RPF1: variants seen among roughly 807,000 people sequenced by gnomAD.
RPF1 encodes ribosome production factor 1.
Under a neutral mutation model 41.9 loss-of-function variants are expected in RPF1, and 34 were observed. That is an observed-to-expected ratio of 0.81 (90% CI 0.62 to 1.08). RPF1 has a LOEUF of 1.08. Ranked by LOEUF, RPF1 falls within the 50% of genes least tolerant of loss-of-function variation. The probability of loss-of-function intolerance (pLI) is 0.00; values close to 1 mark genes in which losing one functional copy is unlikely to be tolerated. For synonymous variants in RPF1, 140 were observed against 148.9 expected, an observed-to-expected ratio of 0.94 and a Z score of 0.43; for missense variants, 425 against 435.2, an observed-to-expected ratio of 0.98 and a Z score of 0.21.
chr1:84,497,539 CAG>C lies in RPF1; in HGVS notation c.*71_*72del, dbSNP rs2101889112. ...TTGAACTTTGGTAAATTATTTTTGA[CAG>C]AATACTCTTTTCAAAATGGCATTTG... On this transcript the variant is annotated 3_prime_UTR_variant, in exon 9 of 9. Coordinates refer to ENST00000370654, the MANE Select transcript of RPF1 (RefSeq NM_025065.7). The C allele has an allele frequency of 8.6e-7, 1 of 1,166,826 alleles. No homozygotes were observed. Among genetic ancestry groups the C allele is most frequent in the Non-Finnish European group, 1.2e-6 (1 of 811,238 alleles). The allele number at this position is 1,166,826 out of a possible 1,614,324, so 72.3% of individuals were successfully genotyped here.
In RPF1 at chr1:84,497,422, C is replaced by T. The variant is rs954352923; in HGVS notation, c.1009-7C>T. The T allele has an allele frequency of 3.7e-6, 6 of 1,609,492 alleles. No homozygotes were observed. The African/African-American group carries it at 6.7e-5, about 18-fold the overall frequency. On this transcript the variant is annotated splice_polypyrimidine_tract_variant and splice_region_variant and intron_variant, in intron 8 of 8. Transcript: ENST00000370654. ...TCTTCCTCCACTCCCTTGCTTTCCA[C>T]TTTCAGCCCCGGGAAATGGATACAA...
Position 84,494,817 on chromosome 1 carries a change from G to A in RPF1, c.617-556G>A, listed in dbSNP as rs530962529. ...ATTGGTTTGTTGATTATAATTTGGG[G>A]TACAGTAATCCTAAGTAAGGGGTGA... On this transcript the variant is annotated intron_variant, in intron 5 of 8. Transcript: ENST00000370654. Among the ~76,000 whole-genome samples, 27 of 152,236 alleles carry A rather than the reference G, an allele frequency of 1.8e-4. 1 individual carries two copies. The East Asian group carries it at 2.3e-3, about 13-fold the overall frequency.
intron 2 of RPF1, among the ~76,000 whole-genome samples, chr1:84,481,527 T>G (rs893613358): frequency 7.9e-5 from 12 of 152,052 alleles, no homozygotes; most frequent in Admixed American, 7.2e-4. Context: ...TGTGTTAAGC[T>G]TTAGAGCTGG....
chr1:84,495,414 C>T lies in RPF1; in HGVS notation c.658C>T (p.His220Tyr), dbSNP rs753535525. The T allele has an allele frequency of 1.2e-5, 18 of 1,540,070 alleles. No homozygotes were observed. The Admixed American group carries it at 1.7e-4, about 15-fold the overall frequency. The change falls in exon 6 of 9, where the codon CAT becomes TAT. Residue 220 changes from histidine to tyrosine, a missense_variant. Physicochemically the swap from His to Tyr is moderately conservative, Grantham distance 83 (BLOSUM62 2). Transcript: ENST00000370654. ...LSHLPNGPTA[H>Y]FKMSSVRLRK... ...TCACTTGCCAAATGGCCCAACTGCT[C>T]ATTTTAAAATGAGCAGTGTTCGTCT... is the stretch of plus-strand genomic sequence containing the variant.
chr1:84,488,773 G>A (rs981793755), intron 3 of RPF1, among the ~76,000 whole-genome samples: 2 of 152,024 alleles, frequency 1.3e-5, no homozygotes, highest in African/African-American at 2.4e-5. Flanking sequence ...AATGTAGAAT[G>A]TTATTAGATG....
At chr1:84,496,804 T>C (rs1351348043) in intron 8 of RPF1, among the ~76,000 whole-genome samples, 1 of 152,212 alleles carries the variant, frequency 6.6e-6, no homozygotes, top group Non-Finnish European at 1.5e-5. Context: ...TCTTGAGAAC[T>C]ATTGATAAGT....
chr1:84,493,845 T>C (rs1187122647), intron 5 of RPF1, among the ~76,000 whole-genome samples: 1 of 152,040 alleles, frequency 6.6e-6, no homozygotes, highest in Non-Finnish European at 1.5e-5. Context: ...TACATAAGAC[T>C]GTGAGTACCT....
At chr1:84,488,475 G>C (rs1681773278) in intron 3 of RPF1, among the ~76,000 whole-genome samples, 1 of 151,982 alleles carries the variant, frequency 6.6e-6, no homozygotes. Context: ...CTAATTTGTT[G>C]GGATATCGTT....
intron 1 of RPF1, among the ~76,000 whole-genome samples, chr1:84,480,397 C>T (rs1681622125): frequency 6.6e-6 from 1 of 152,174 alleles, no homozygotes; most frequent in African/African-American, 2.4e-5. Flanking sequence ...ATCTAGAAAT[C>T]TCCAGAAGAA....
chr1:84,495,366 T>C lies in RPF1; in HGVS notation c.617-7T>C. 7.5e-7 allele frequency: 1 copy of C among 1,329,706 alleles called. No homozygotes were observed. The highest frequency in any genetic ancestry group is 1.1e-6 in the Non-Finnish European group (1 of 936,982). The allele number at this position is 1,329,706 out of a possible 1,614,324, so 82.4% of individuals were successfully genotyped here. On this transcript the variant is annotated splice_polypyrimidine_tract_variant and splice_region_variant and intron_variant, in intron 5 of 8. Transcript: ENST00000370654. Reference sequence around the variant, plus strand: ...TTCAATGTGTTTTTCTTAACTTTTATGAACAGATGGACTTATTTTGAGTCA... The same window carrying C: ...TTCAATGTGTTTTTCTTAACTTTTACGAACAGATGGACTTATTTTGAGTCA...
rs756058303 is a variant in RPF1, at chr1:84,479,360, G to A, written c.79G>A (p.Glu27Lys). 6.2e-7 allele frequency: 1 copy of A among 1,613,962 alleles called. No individual in the cohort carries two copies. The highest frequency in any genetic ancestry group is 1.1e-5 in the South Asian group (1 of 91,078). The change falls in exon 1 of 9, where the codon GAG becomes AAG. Residue 27 changes from glutamate to lysine, a missense_variant. Coordinates refer to ENST00000370654, the MANE Select transcript of RPF1 (RefSeq NM_025065.7). ...GAAAGCCGCTGCCGAAGAACTTCAG[G>A]AGGCTGCAGGCGCTGGGGATGGGGC... Reference protein sequence around the residue: ...KRKAAAEELQEAAGAGDGATE... With the variant: ...KRKAAAEELQKAAGAGDGATE...
At chr1:84,483,030 C>G in intron 3 of RPF1, 35 bp downstream of exon 3, 3 of 1,247,550 alleles carry the variant, frequency 2.4e-6, no homozygotes, top group Non-Finnish European at 3.5e-6. Context: ...TTTGAATGAT[C>G]ACATATAATT....
At chr1:84,494,703 AG>A (rs2101887550) in intron 5 of RPF1, among the ~76,000 whole-genome samples, 1 of 152,320 alleles carries the variant, frequency 6.6e-6, no homozygotes, top group South Asian at 2.1e-4. Flanking sequence ...TGCTGGTTGT[AG>A]GTAGGTGATC....
At chr1:84,479,644 G>T in intron 1 of RPF1, 135 bp downstream of exon 1, 1 of 802,530 alleles carries the variant, frequency 1.2e-6, no homozygotes. Context: ...GTGGCGTCGC[G>T]GCCCACGTGT....
In RPF1 at chr1:84,484,704, G is replaced by A. The variant is rs528118041; in HGVS notation, c.366+1709G>A. ...AAGTCTTTTTTTTTTTTTTTTCTCC[G>A]AGGTGGAGACTTGCTCTGTTACCCA... On this transcript the variant is annotated intron_variant, in intron 3 of 8. Coordinates refer to ENST00000370654, the MANE Select transcript of RPF1 (RefSeq NM_025065.7). 1.4e-3 allele frequency among the ~76,000 whole-genome samples: 212 copies of A among 148,304 alleles called. 1 individual carries two copies. Among genetic ancestry groups the A allele is most frequent in the African/African-American group, 4.4e-3 (179 of 40,244 alleles).
intron 1 of RPF1, 48 bp downstream of exon 1, chr1:84,479,557 G>A: frequency 6.4e-7 from 1 of 1,562,342 alleles, no homozygotes. Flanking sequence ...TGTTCCTGAC[G>A]CTTAGGGCGG....
chr1:84,489,586 G>T, intron 3 of RPF1, 47 bp from the exon 4 acceptor site: 1 of 1,044,380 alleles, frequency 9.6e-7, no homozygotes. Flanking sequence ...TTCTGGCCCA[G>T]TAGAGTATTT....
intron 5 of RPF1, among the ~76,000 whole-genome samples, chr1:84,491,648 CTT>C (rs1008859926): frequency 1.3e-5 from 2 of 152,160 alleles, no homozygotes; most frequent in African/African-American, 2.4e-5. Context: ...GTTGCTGCCT[CTT>C]TTTCTTTTTT....
Position 84,496,079 on chromosome 1 carries a change from T to C in RPF1, c.881+16T>C. The C allele has an allele frequency of 1.3e-6, 2 of 1,566,158 alleles. No homozygotes were observed. The highest frequency in any genetic ancestry group is 1.7e-6 in the Non-Finnish European group (2 of 1,152,724). ...GATTTCACAGGTGAGGAAGGTAAACTCATTGAACTTTGATTTCAATTATGA... is the reference window on the plus strand; with the variant it reads ...GATTTCACAGGTGAGGAAGGTAAACCCATTGAACTTTGATTTCAATTATGA... On this transcript the variant is annotated intron_variant, in intron 7 of 8. Transcript: ENST00000370654.
Sources: gnomAD v4.1 joint callset for allele counts (sites outside exome capture counted in the v4.1 genomes callset) on GRCh38, gnomAD v4.1.1 for gene constraint, MANE v1.5 for transcripts, NCBI Gene and HGNC (gene_info 2026-07-23, HGNC 2026-07-21) for gene names.